TRIM40: variants seen among roughly 807,000 people sequenced by gnomAD.
TRIM40 encodes tripartite motif containing 40.
Under a neutral mutation model 26.1 loss-of-function variants are expected in TRIM40, and 27 were observed. That is an observed-to-expected ratio of 1.04 (90% CI 0.76 to 1.43). The LOEUF is 1.43. TRIM40 is among the 40% of genes most tolerant of loss of function. The pLI is 0.00. For synonymous variants in TRIM40, 114 were observed against 120.0 expected (o/e 0.95, Z 0.33); for missense variants, 289 against 307.9 (o/e 0.94, Z 0.46).
Position 30,146,989 on chromosome 6 carries a change from A to G in TRIM40, c.446A>G (p.Gln149Arg). The G allele has an allele frequency of 3.2e-6, 5 of 1,586,736 alleles. No individual in the cohort carries two copies. Among genetic ancestry groups the G allele is most frequent in the Non-Finnish European group, 4.3e-6 (5 of 1,167,000 alleles). Residue 149 changes from glutamine (Q) to arginine (R), a missense_variant, in exon 4 of 6, where the codon CAG (glutamine) becomes CGG (arginine). Coordinates refer to ENST00000396581, the MANE Select transcript of TRIM40 (RefSeq NM_001286633.2). ...TAGGGAGCCCCTTTCCTGTAGTTTC[A>G]GGTAGACCACGGGAACCACAGGCTG... Reference protein sequence around the residue: ...QEKKLQALQFQVDHGNHRLEA... With the variant: ...QEKKLQALQFRVDHGNHRLEA...
At position 30,137,264 on chromosome 6, in the gene TRIM40, G is replaced by A. The variant is rs752819672; in HGVS notation, c.228G>A (p.Lys76=). The A allele has an allele frequency of 2.5e-6, 4 of 1,612,982 alleles. No homozygotes were observed. Among genetic ancestry groups the A allele is most frequent in the African/African-American group, 2.7e-5 (2 of 74,938 alleles). The change falls in exon 2 of 6, where the codon AAG becomes AAA. Residue 76 remains lysine, a synonymous_variant. Coordinates refer to ENST00000396581, the MANE Select transcript of TRIM40 (RefSeq NM_001286633.2). ...GTGYICPNHQ[K]RVCRFCEESR... ...GCTATATCTGCCCCAACCACCAGAA[G>A]AGGGTGTGCAGGTTCTGTGAGGAGA...
chr6:30,143,029 C>T (rs1581536649), intron 2 of TRIM40, among the ~76,000 whole-genome samples: 1 of 152,136 alleles, frequency 6.6e-6, no homozygotes, highest in African/African-American at 2.4e-5. Flanking sequence ...TTCTAAATTT[C>T]ATAGATCATT....
intron 2 of TRIM40, among the ~76,000 whole-genome samples, chr6:30,142,653 G>C (rs1463555821): frequency 6.6e-6 from 1 of 152,032 alleles, no homozygotes; most frequent in Non-Finnish European, 1.5e-5. Flanking sequence ...ATATGAGTGT[G>C]CTGCTCTGTT....
intron 2 of TRIM40, among the ~76,000 whole-genome samples, chr6:30,140,052 T>C (rs1467300235): frequency 6.6e-6 from 1 of 152,152 alleles, no homozygotes; most frequent in Non-Finnish European, 1.5e-5. Flanking sequence ...ATGGCAATCA[T>C]TAAAAAGTCA....
intron 2 of TRIM40, among the ~76,000 whole-genome samples, chr6:30,142,961 A>G (rs1056415052): frequency 6.6e-6 from 1 of 152,064 alleles, no homozygotes; most frequent in Admixed American, 6.6e-5. Context: ...TTGCCATTTA[A>G]TAATTTTATT....
intron 2 of TRIM40, among the ~76,000 whole-genome samples, chr6:30,138,547 T>A (rs1771152094): frequency 6.6e-6 from 1 of 152,248 alleles, no homozygotes. Flanking sequence ...TATGCTTGCC[T>A]ATAAGCCAAG....
chr6:30,142,961 A>C (rs1056415052), intron 2 of TRIM40, among the ~76,000 whole-genome samples: 2 of 152,064 alleles, frequency 1.3e-5, no homozygotes. Context: ...TTGCCATTTA[A>C]TAATTTTATT....
At chr6:30,142,004 G>A (rs1268006473) in intron 2 of TRIM40, among the ~76,000 whole-genome samples, 1 of 152,140 alleles carries the variant, frequency 6.6e-6, no homozygotes, top group Admixed American at 6.5e-5. Context: ...CAGAGAGGGA[G>A]GGTAAGGGAG....
intron 2 of TRIM40, among the ~76,000 whole-genome samples, chr6:30,145,741 GCTAT>G (rs138200272): frequency 3.3e-5 from 5 of 152,246 alleles, no homozygotes; most frequent in Non-Finnish European, 7.4e-5. Flanking sequence ...TGGTTCTGTT[GCTAT>G]CTATTATTTT....
At chr6:30,144,422 TG>T (rs1279050519) in intron 2 of TRIM40, among the ~76,000 whole-genome samples, 12 of 152,192 alleles carry the variant, frequency 7.9e-5, no homozygotes, top group African/African-American at 2.9e-4. Context: ...AGCTCTCACT[TG>T]GAAGCATGAG....
chr6:30,145,993 G>GGA lies in TRIM40; in HGVS notation c.346_347dup (p.Arg117AsnfsTer35), dbSNP rs1771619829. ...ACAAGCAGGTGTGTCTGTCTCTTTA[G>GGA]GAACGACTCAATCGCCGGAGCAGGA... On this transcript the variant is annotated frameshift_variant and splice_region_variant. Coordinates refer to ENST00000396581, the MANE Select transcript of TRIM40 (RefSeq NM_001286633.2). LOFTEE classifies it high-confidence loss of function. The GGA allele has an allele frequency of 6.2e-7, 1 of 1,612,894 alleles. No individual in the cohort carries two copies. The highest frequency in any genetic ancestry group is 8.5e-7 in the Non-Finnish European group (1 of 1,179,934).
Position 30,147,771 on chromosome 6 carries a change from G to T in TRIM40, c.736G>T (p.Gly246Ter). Residue 246 changes from glycine (G) to a stop codon, truncating the protein, a stop_gained, in exon 6 of 6, where the codon GGA (glycine) becomes TGA (stop). Transcript: ENST00000396581. LOFTEE classifies it low-confidence loss of function (END_TRUNC). ...GGTTATTTATCCCCAGTTGGAGAAA[G>T]GAGTCAGTGAATTGCTTCTTCAGCC... ...LEVIYPQLEK[G>*]VSELLLQPPQ... The T allele has an allele frequency of 6.2e-7, 1 of 1,614,198 alleles. No homozygotes were observed. Among genetic ancestry groups the T allele is most frequent in the East Asian group, 2.2e-5 (1 of 44,890 alleles).
chr6:30,145,911 C>A, intron 2 of TRIM40, 83 bp from the exon 3 acceptor site: 1 of 1,002,918 alleles, frequency 1.0e-6, no homozygotes, highest in Non-Finnish European at 1.6e-6. Flanking sequence ...TGGGATCAGG[C>A]CCCCTACCGT....
At chr6:30,142,801 T>C (rs1771419592) in intron 2 of TRIM40, among the ~76,000 whole-genome samples, 1 of 152,128 alleles carries the variant, frequency 6.6e-6, no homozygotes, top group Admixed American at 6.5e-5. Context: ...GTGAGTCCTT[T>C]CCACATTTAC....
At chr6:30,144,112 T>C (rs75435315) in intron 2 of TRIM40, among the ~76,000 whole-genome samples, 4 of 148,592 alleles carry the variant, frequency 2.7e-5, no homozygotes, top group African/African-American at 9.8e-5. Context: ...GAGAGTTCAG[T>C]GAGCAGAGAG....
In TRIM40 at chr6:30,148,022, G is replaced by T. The variant is rs922424226; in HGVS notation, c.*210G>T. 4.9e-5 allele frequency: 29 copies of T among 596,430 alleles called. No homozygotes were observed. The highest frequency in any genetic ancestry group is 7.1e-5 in the Non-Finnish European group (24 of 335,802). The allele number at this position is 596,430 out of a possible 1,614,324, so 36.9% of individuals were successfully genotyped here. A position where few individuals can be genotyped will look rare whatever the true frequency, so the allele number is the denominator to read the frequency against. On this transcript the variant is annotated 3_prime_UTR_variant, in exon 6 of 6. Coordinates refer to ENST00000396581, the MANE Select transcript of TRIM40 (RefSeq NM_001286633.2). ...GATAGCCAGCCTCCTTCCAGGACAG[G>T]CTCATGCTTGGGGCTGCCACTGTGG...
rs985646677 is a variant in TRIM40 at position 30,136,919 on chromosome 6, G to A, written c.-118G>A. The A allele has an allele frequency of 1.4e-5, 14 of 1,012,764 alleles. No homozygotes were observed. The South Asian group carries it at 2.3e-4, about 17-fold the overall frequency. The allele number at this position is 1,012,764 out of a possible 1,614,324, so 62.7% of individuals were successfully genotyped here. A position where few individuals can be genotyped will look rare whatever the true frequency, so the allele number is the denominator to read the frequency against. On this transcript the variant is annotated 5_prime_UTR_variant, in exon 2 of 6. Coordinates refer to ENST00000396581, the MANE Select transcript of TRIM40 (RefSeq NM_001286633.2). The stretch of plus-strand genomic sequence containing the variant: ...GTGTCCTGTCCCCAGGCTGCTCCAG[G>A]GCTGCCTCCTTCCGACTGGGCCTTC...
chr6:30,136,727 C>A lies in TRIM40; in HGVS notation c.-304-6C>A. On this transcript the variant is annotated splice_polypyrimidine_tract_variant and splice_region_variant and intron_variant, in intron 1 of 5. Coordinates refer to ENST00000396581, the MANE Select transcript of TRIM40 (RefSeq NM_001286633.2). ...AATTGGTTATTGAATCACTTGCTTC[C>A]TCTAGGTGTATGAAAAATAATTTCA... 1 of 433,156 alleles carries A rather than the reference C, an allele frequency of 2.3e-6. No individual in the cohort carries two copies. Among genetic ancestry groups the A allele is most frequent in the Non-Finnish European group, 4.1e-6 (1 of 243,966 alleles). 26.8% of individuals were successfully genotyped at this position (433,156 alleles called of 1,614,324 possible).
intron 2 of TRIM40, among the ~76,000 whole-genome samples, chr6:30,143,384 G>A (rs1467493739): frequency 6.7e-6 from 1 of 148,896 alleles, no homozygotes; most frequent in Admixed American, 6.7e-5. Context: ...TCATATTTTT[G>A]GACACAGTTC....
Sources: allele counts gnomAD v4.1 joint callset (sites outside exome capture counted in the v4.1 genomes callset), GRCh38; gene constraint gnomAD v4.1.1; transcripts MANE v1.5; gene names NCBI Gene and HGNC (gene_info 2026-07-23, HGNC 2026-07-21).